HS3ST5: variants seen among roughly 807,000 people sequenced by gnomAD.
The protein encoded by HS3ST5 is heparan sulfate-glucosamine 3-sulfotransferase 5.
A neutral mutation model predicts 25.4 loss-of-function variants in HS3ST5; 10 were observed. The observed-to-expected ratio is 0.39, with a 90% CI of 0.24 to 0.67. HS3ST5 has a LOEUF of 0.67. Among genes scored for constraint, HS3ST5 ranks in the 30% least tolerant of loss-of-function variants. The pLI is 0.44. For missense variants in HS3ST5, 324 were observed against 420.7 expected, an observed-to-expected ratio of 0.77 and a Z score of 2.01; for synonymous variants, 170 against 162.4, an observed-to-expected ratio of 1.05 and a Z score of -0.36.
intron 2 of HS3ST5, among the ~76,000 whole-genome samples, chr6:114,218,110 G>A (rs1332633625): frequency 3.3e-5 from 5 of 152,012 alleles, no homozygotes; most frequent in African/African-American, 1.2e-4. Context: ...TGATTTTCCT[G>A]CCTCAGCCTC....
chr6:114,119,057 A>G (rs1325760104), intron 3 of HS3ST5, among the ~76,000 whole-genome samples: 1 of 152,248 alleles, frequency 6.6e-6, no homozygotes, highest in Non-Finnish European at 1.5e-5. Flanking sequence ...CATAACATGT[A>G]CTGTCCCTAT....
chr6:114,077,720 C>T (rs1350398017), intron 3 of HS3ST5, among the ~76,000 whole-genome samples: 2 of 152,104 alleles, frequency 1.3e-5, no homozygotes, highest in African/African-American at 4.8e-5. Flanking sequence ...ATTTTAAAAT[C>T]AAAGGTAGTA....
At chr6:114,258,658 C>A (rs1773037545) in intron 1 of HS3ST5, among the ~76,000 whole-genome samples, 1 of 152,100 alleles carries the variant, frequency 6.6e-6, no homozygotes, top group Non-Finnish European at 1.5e-5. Context: ...CTTTTTGCCC[C>A]TTCTCCTTGT....
At chr6:114,290,713 T>A (rs1774539033) in intron 1 of HS3ST5, among the ~76,000 whole-genome samples, 2 of 152,246 alleles carry the variant, frequency 1.3e-5, no homozygotes, top group African/African-American at 4.8e-5. Flanking sequence ...GAACACATTT[T>A]TTATTTCTAA....
intron 1 of HS3ST5, among the ~76,000 whole-genome samples, chr6:114,305,439 A>T (rs1215479857): frequency 6.6e-6 from 1 of 152,160 alleles, no homozygotes; most frequent in African/African-American, 2.4e-5. Context: ...GAATAATAGC[A>T]GCTTGACAGT....
intron 1 of HS3ST5, among the ~76,000 whole-genome samples, chr6:114,243,234 A>T (rs115371986): frequency 2.1e-3 from 317 of 152,324 alleles, no homozygotes; most frequent in African/African-American, 7.4e-3. Flanking sequence ...ATAAATGCAT[A>T]TTATTGTATG....
intron 3 of HS3ST5, among the ~76,000 whole-genome samples, chr6:114,075,845 G>A (rs921709580): frequency 3.0e-4 from 46 of 152,070 alleles, no homozygotes; most frequent in African/African-American, 9.4e-4. Flanking sequence ...CTCCCTCTCA[G>A]TTCTGTGGTC....
At chr6:114,270,402 T>C (rs1175412537) in intron 1 of HS3ST5, among the ~76,000 whole-genome samples, 5 of 152,170 alleles carry the variant, frequency 3.3e-5, no homozygotes, top group Admixed American at 2.0e-4. Context: ...AAACCGGGTA[T>C]AAGAGGAAAC....
intron 2 of HS3ST5, among the ~76,000 whole-genome samples, chr6:114,184,496 G>GA (rs1201468870): frequency 6.6e-6 from 1 of 152,090 alleles, no homozygotes; most frequent in Admixed American, 6.5e-5. Context: ...GAAAGAGATG[G>GA]AAAAAAATGA....
At chr6:114,188,129 C>A (rs1659592490) in intron 2 of HS3ST5, among the ~76,000 whole-genome samples, 1 of 152,122 alleles carries the variant, frequency 6.6e-6, no homozygotes, top group Admixed American at 6.5e-5. Flanking sequence ...CCGAGGTACG[C>A]CTGTACTTTG....
intron 1 of HS3ST5, among the ~76,000 whole-genome samples, chr6:114,334,975 T>C (rs1776549497): frequency 6.6e-6 from 1 of 152,192 alleles, no homozygotes; most frequent in South Asian, 2.1e-4. Flanking sequence ...GAAATTAAAT[T>C]ACTCTTTTGT....
At chr6:114,161,521 TTATATA>T (rs59921019) in intron 3 of HS3ST5, among the ~76,000 whole-genome samples, 596 of 33,412 alleles carry the variant, frequency 0.018, 7 homozygotes, top group Admixed American at 0.027. Context: ...TCCTGAAGTT[TTATATA>T]TATATATATA....
chr6:114,307,604 C>T (rs1484194392), intron 1 of HS3ST5, among the ~76,000 whole-genome samples: 1 of 151,966 alleles, frequency 6.6e-6, no homozygotes, highest in Non-Finnish European at 1.5e-5. Flanking sequence ...ATAACATACG[C>T]AATTCCTATT....
At chr6:114,178,372 A>G (rs1408907922) in intron 2 of HS3ST5, among the ~76,000 whole-genome samples, 1 of 152,228 alleles carries the variant, frequency 6.6e-6, no homozygotes, top group Non-Finnish European at 1.5e-5. Context: ...CACAAAGTAC[A>G]TAGTAAATGG....
intron 1 of HS3ST5, among the ~76,000 whole-genome samples, chr6:114,231,964 C>T (rs1008161425): frequency 2.6e-5 from 4 of 152,128 alleles, no homozygotes; most frequent in Non-Finnish European, 5.9e-5. Context: ...GATTTGCTTG[C>T]AGTAGGAATA....
At chr6:114,089,171 T>C (rs1376267862) in intron 3 of HS3ST5, among the ~76,000 whole-genome samples, 1 of 152,234 alleles carries the variant, frequency 6.6e-6, no homozygotes, top group Non-Finnish European at 1.5e-5. Flanking sequence ...CATTCTACCA[T>C]GTAGAGAGGG....
intron 2 of HS3ST5, among the ~76,000 whole-genome samples, chr6:114,169,862 A>G (rs1052095032): frequency 6.6e-6 from 1 of 152,178 alleles, no homozygotes; most frequent in African/African-American, 2.4e-5. Flanking sequence ...CAGTAATTGC[A>G]GGTATTTAGT....
intron 2 of HS3ST5, among the ~76,000 whole-genome samples, chr6:114,181,123 C>T (rs1040801720): frequency 6.6e-6 from 1 of 152,158 alleles, no homozygotes; most frequent in South Asian, 2.1e-4. Flanking sequence ...AAAGTAGTTC[C>T]TCAGGGATTT....
chr6:114,179,885 C>G (rs565654833), intron 2 of HS3ST5, among the ~76,000 whole-genome samples: 1 of 152,244 alleles, frequency 6.6e-6, no homozygotes, highest in East Asian at 1.9e-4. Flanking sequence ...TAGCATACCA[C>G]TGGTGTAAGT....
Sources: gnomAD v4.1 joint callset for allele counts (sites outside exome capture counted in the v4.1 genomes callset) on GRCh38, gnomAD v4.1.1 for gene constraint, MANE v1.5 for transcripts, NCBI Gene and HGNC (gene_info 2026-07-23, HGNC 2026-07-21) for gene names.